DIAPH2: variants seen among roughly 807,000 people sequenced by gnomAD.
DIAPH2 encodes protein diaphanous homolog 2.
Under a neutral mutation model 92.7 loss-of-function variants are expected in DIAPH2, and 35 were observed. The observed-to-expected ratio is 0.38, with a 90% confidence interval of 0.29 to 0.50. DIAPH2 has a LOEUF of 0.50. Among genes scored for constraint, DIAPH2 ranks in the 20% least tolerant of loss-of-function variants. The pLI is 0.94. For missense variants in DIAPH2, 701 were observed against 819.5 expected, an observed-to-expected ratio of 0.86 and a Z score of 1.77; for synonymous variants, 301 against 280.4, an observed-to-expected ratio of 1.07 and a Z score of -0.73.
chrX:97,336,323 T>C (rs1482726735), intron 23 of DIAPH2, among the ~76,000 whole-genome samples: 6 of 105,942 alleles, frequency 5.7e-5, no homozygotes, highest in African/African-American at 2.1e-4. Context: ...TGGCTCACTG[T>C]AAGCTCCGCC....
At chrX:96,911,387 TAGAAG>T (rs2147779074) in intron 5 of DIAPH2, among the ~76,000 whole-genome samples, 1 of 111,055 alleles carries the variant, frequency 9.0e-6, no homozygotes, top group South Asian at 3.9e-4. Flanking sequence ...GAAGTAGAAG[TAGAAG>T]TAGAATATTT....
intron 26 of DIAPH2, among the ~76,000 whole-genome samples, chrX:97,523,052 C>G (rs767069525): frequency 8.9e-6 from 1 of 112,412 alleles, no homozygotes; most frequent in East Asian, 2.8e-4. Flanking sequence ...GGGGAGCTAG[C>G]TGAGTCAAAC....
At chrX:97,255,412 T>A (rs1337995882) in intron 23 of DIAPH2, among the ~76,000 whole-genome samples, 1 of 111,989 alleles carries the variant, frequency 8.9e-6, no homozygotes, top group African/African-American at 3.2e-5. Context: ...TTGATTATTG[T>A]ACTTGCTGGT....
Position 97,347,085 on chromosome X carries a change from CT to C in DIAPH2, c.2845-1010del, listed in dbSNP as rs763682802. Reference sequence around the variant, plus strand: ...TCATATACAGAATTCACTATAACCTCTTTTTTTTTTTTTTTTTTTTTGAGAC... The same window carrying C: ...TCATATACAGAATTCACTATAACCTCTTTTTTTTTTTTTTTTTTTTGAGAC... On this transcript the variant is annotated intron_variant, in intron 23 of 26. Coordinates refer to ENST00000324765, the MANE Select transcript of DIAPH2 (RefSeq NM_006729.5). Among the ~76,000 whole-genome samples, 537 of 91,208 alleles carry C rather than the reference CT, an allele frequency of 5.9e-3. 2 individuals are homozygous for C. Among genetic ancestry groups the C allele is most frequent in the South Asian group, 7.3e-3 (14 of 1,926 alleles). The allele number at this position is 91,208 out of a possible 115,157, so 79.2% of individuals were successfully genotyped here.
intron 17 of DIAPH2, among the ~76,000 whole-genome samples, chrX:96,996,843 T>C (rs1177710060): frequency 8.9e-6 from 1 of 112,330 alleles, no homozygotes; most frequent in Non-Finnish European, 1.9e-5. Flanking sequence ...TATTCGATAT[T>C]GAGCTTAGAT....
rs2071609456 is a variant in DIAPH2 at position 97,604,349 on chromosome X, A to ATCCTTTGG, written c.*5033_*5034insCCTTTGGT. ...ATATCTGAAAGGACCTTTTTTCCAA[A>ATCCTTTGG]TAAGGTACTATCACAGGTTCCAGGG... On this transcript the variant is annotated 3_prime_UTR_variant, in exon 27 of 27. Transcript: ENST00000324765. The ATCCTTTGG allele has an allele frequency of 8.9e-6, 1 of 112,050 alleles. No individual in the cohort carries two copies. The highest frequency in any genetic ancestry group is 1.9e-5 in the Non-Finnish European group (1 of 53,165). 9.2% of individuals were successfully genotyped at this position (112,050 alleles called of 1,213,427 possible).
intron 23 of DIAPH2, among the ~76,000 whole-genome samples, chrX:97,255,068 A>T (rs1256679750): frequency 9.0e-6 from 1 of 111,643 alleles, no homozygotes; most frequent in Non-Finnish European, 1.9e-5. Context: ...AGGAGATCAC[A>T]TAGGTAATAT....
chrX:97,153,791 A>AT (rs2147427759), intron 22 of DIAPH2, among the ~76,000 whole-genome samples: 1 of 111,521 alleles, frequency 9.0e-6, no homozygotes, highest in Admixed American at 9.6e-5. Flanking sequence ...CTAAGCTTTC[A>AT]TGGAAGAATC....
intron 26 of DIAPH2, among the ~76,000 whole-genome samples, chrX:97,504,257 A>C (rs1306923878): frequency 1.8e-5 from 2 of 111,829 alleles, no homozygotes; most frequent in African/African-American, 6.5e-5. Context: ...GTAACGAGAA[A>C]GATCCTGAAT....
intron 22 of DIAPH2, among the ~76,000 whole-genome samples, chrX:97,146,007 C>CTTTTTTTTTTTTTTTTTTTTTTTTTTTTT (rs372292277): frequency 2.3e-5 from 1 of 43,169 alleles, no homozygotes; most frequent in African/African-American, 8.0e-5. Flanking sequence ...TTTCTTCTTC[C>CTTTTTTTTTTTTTTTTTTTTTTTTTTTTT]TTTTTTTTTT....
chrX:97,300,931 TAAAAAA>T (rs774601881), intron 23 of DIAPH2, among the ~76,000 whole-genome samples: 76 of 10,764 alleles, frequency 7.1e-3, no homozygotes, highest in African/African-American at 0.022. Context: ...GACTCCGTCT[TAAAAAA>T]AAAAAAAAAA....
chrX:97,454,633 A>T (rs2070387299), intron 26 of DIAPH2, among the ~76,000 whole-genome samples: 1 of 111,095 alleles, frequency 9.0e-6, no homozygotes, highest in Non-Finnish European at 1.9e-5. Flanking sequence ...AAGCAGGCGG[A>T]TCACGAGGTC....
intron 26 of DIAPH2, among the ~76,000 whole-genome samples, chrX:97,475,148 C>G (rs1039849078): frequency 1.8e-5 from 2 of 111,855 alleles, no homozygotes; most frequent in East Asian, 2.8e-4. Context: ...GGTAGTCAGC[C>G]TAGCAGGTCT....
At chrX:96,735,878 A>G in intron 2 of DIAPH2, 88 bp downstream of exon 2, 2 of 512,925 alleles carry the variant, frequency 3.9e-6, no homozygotes, top group Non-Finnish European at 6.5e-6. Flanking sequence ...GATATATGTA[A>G]GATACAAAAT....
chrX:96,780,609 G>A (rs959101018), intron 4 of DIAPH2, among the ~76,000 whole-genome samples: 1 of 109,687 alleles, frequency 9.1e-6, no homozygotes, highest in Admixed American at 9.8e-5. Context: ...AGCCTCCCAA[G>A]TAACTGGGAC....
At chrX:97,121,603 C>G (rs918133282) in intron 21 of DIAPH2, among the ~76,000 whole-genome samples, 11 of 112,005 alleles carry the variant, frequency 9.8e-5, no homozygotes, top group African/African-American at 3.6e-4. Flanking sequence ...TTGTTCCTCA[C>G]AGATACAAAG....
chrX:97,229,232 C>T (rs1415918638), intron 22 of DIAPH2, among the ~76,000 whole-genome samples: 1 of 112,003 alleles, frequency 8.9e-6, no homozygotes, highest in African/African-American at 3.2e-5. Context: ...CATTCTGTAA[C>T]CTATGGTAGC....
chrX:97,163,598 G>A, intron 22 of DIAPH2, among the ~76,000 whole-genome samples: 1 of 112,096 alleles, frequency 8.9e-6, no homozygotes, highest in Non-Finnish European at 1.9e-5. Flanking sequence ...TTCAGGAAGT[G>A]ACTGAAGCTT....
intron 23 of DIAPH2, among the ~76,000 whole-genome samples, chrX:97,305,190 T>C (rs2068735574): frequency 9.0e-6 from 1 of 111,490 alleles, no homozygotes. Context: ...ACCGAGAAAA[T>C]AGCCAAAGAT....
Sources: allele counts gnomAD v4.1 joint callset (sites outside exome capture counted in the v4.1 genomes callset), GRCh38; gene constraint gnomAD v4.1.1; transcripts MANE v1.5; gene names NCBI Gene and HGNC (gene_info 2026-07-23, HGNC 2026-07-21).